NBEA: variants seen among roughly 807,000 people sequenced by gnomAD.
The protein encoded by NBEA is neurobeachin, also known as lysosomal-trafficking regulator 2.
NBEA carries 44 observed loss-of-function variants against 343.4 expected under a neutral mutation model. That is an observed-to-expected ratio of 0.13 (90% CI 0.10 to 0.16). The LOEUF is 0.16. Among genes scored for constraint, NBEA ranks in the 10% least tolerant of loss-of-function variants. The pLI, the probability that NBEA is intolerant of heterozygous loss-of-function variation, is 1.00. For synonymous variants in NBEA, 1,175 were observed against 1,238.7 expected (o/e 0.95, Z 1.08); for missense variants, 2,555 against 3,631.3 (o/e 0.70, Z 7.62).
In NBEA at chr13:35,475,536, C is replaced by T. The variant is rs767268138; in HGVS notation, c.6585+3000C>T. ...GATTGAAACCTTCCGCCTTGACCTC[C>T]GCCACCCGGTTGGGTCCCGGCCAGG... On this transcript the variant is annotated intron_variant, in intron 41 of 58. Coordinates refer to ENST00000379939, the MANE Select transcript of NBEA (RefSeq NM_001385012.1). 9.9e-6 allele frequency: 16 copies of T among 1,612,920 alleles called. No individual in the cohort carries two copies. The African/African-American group carries it at 1.2e-4, about 12-fold the overall frequency.
At chr13:35,467,697 G>A (rs61949162) in intron 40 of NBEA, among the ~76,000 whole-genome samples, 1,607 of 152,144 alleles carry the variant, frequency 0.011, 20 homozygotes, top group Non-Finnish European at 0.015. Context: ...AGGATTTTAA[G>A]TTTAATAATT....
intron 58 of NBEA, among the ~76,000 whole-genome samples, chr13:35,670,650 T>C (rs2085575900): frequency 6.6e-6 from 1 of 152,200 alleles, no homozygotes; most frequent in Admixed American, 6.5e-5. Context: ...GGAAATGTGG[T>C]TCCGTGGGCC....
chr13:35,193,386 T>G (rs2072341886), intron 30 of NBEA, among the ~76,000 whole-genome samples: 1 of 151,926 alleles, frequency 6.6e-6, no homozygotes, highest in African/African-American at 2.4e-5. Flanking sequence ...TATAAATATC[T>G]TAGAGATTCT....
In NBEA at chr13:35,196,079, C is replaced by A. The variant is rs1181796303; in HGVS notation, c.5143C>A (p.Gln1715Lys). 1.1e-5 allele frequency: 18 copies of A among 1,613,634 alleles called. No individual in the cohort carries two copies. The highest frequency in any genetic ancestry group is 1.5e-5 in the Non-Finnish European group (18 of 1,179,724). The change falls in exon 31 of 59, where the codon CAA becomes AAA. Residue 1715 changes from glutamine to lysine, a missense_variant. This residue lies in a region of NBEA where 270 missense variants were observed against 293.3 expected (regional missense o/e 0.92). Coordinates refer to ENST00000379939, the MANE Select transcript of NBEA (RefSeq NM_001385012.1). ...STLSSEVKKS[Q>K]ESLTENPSET... ...TTTGTCATCCGAAGTGAAGAAATCA[C>A]AAGAGAGCTTAACTGAAAATCCTAG...
intron 34 of NBEA, among the ~76,000 whole-genome samples, chr13:35,236,523 T>C (rs1676192915): frequency 2.0e-5 from 3 of 152,128 alleles, no homozygotes; most frequent in African/African-American, 7.2e-5. Flanking sequence ...CTTGGCTCAC[T>C]GCAAGCTCCG....
At chr13:35,035,593 G>A (rs562684765) in intron 1 of NBEA, among the ~76,000 whole-genome samples, 84 of 152,050 alleles carry the variant, frequency 5.5e-4, no homozygotes, top group Non-Finnish European at 9.7e-4. Flanking sequence ...GATGTGTCCA[G>A]TGCTGAAAGT....
At chr13:35,601,139 T>G (rs995929793) in intron 47 of NBEA, among the ~76,000 whole-genome samples, 30 of 151,416 alleles carry the variant, frequency 2.0e-4, no homozygotes, top group African/African-American at 7.3e-4. Context: ...ATGGCACCAT[T>G]GCACTCCAGC....
chr13:35,569,936 G>A (rs2080315672), intron 45 of NBEA, among the ~76,000 whole-genome samples: 1 of 152,214 alleles, frequency 6.6e-6, no homozygotes, highest in South Asian at 2.1e-4. Context: ...ATTTATCCAT[G>A]TAGGAAAAAA....
chr13:35,358,443 A>T (rs1257241426), intron 38 of NBEA, among the ~76,000 whole-genome samples: 2 of 152,012 alleles, frequency 1.3e-5, no homozygotes, highest in Non-Finnish European at 2.9e-5. Context: ...CAGGCCAGGC[A>T]AGGTGGCTCA....
chr13:35,116,954 C>T (rs2066525262), intron 13 of NBEA, among the ~76,000 whole-genome samples: 1 of 151,756 alleles, frequency 6.6e-6, no homozygotes, highest in African/African-American at 2.4e-5. Context: ...AAATAGGCTG[C>T]AAAACAAATA....
intron 38 of NBEA, among the ~76,000 whole-genome samples, chr13:35,388,457 A>G (rs1176177265): frequency 6.6e-6 from 1 of 152,146 alleles, no homozygotes; most frequent in Admixed American, 6.6e-5. Context: ...AAGATAATTT[A>G]TATTGTATGC....
In NBEA at chr13:35,667,551, A is replaced by T; in HGVS notation, c.8642A>T (p.Glu2881Val). 9 of 1,614,022 alleles carry T rather than the reference A, an allele frequency of 5.6e-6. No individual in the cohort carries two copies. The highest frequency in any genetic ancestry group is 7.6e-6 in the Non-Finnish European group (9 of 1,179,866). The change falls in exon 57 of 59, where the codon GAG becomes GTG. Residue 2881 changes from glutamate (E) to valine (V), a missense_variant. By Grantham distance (121) the Glu-to-Val change is moderately radical. Around this residue, in one of 21 missense-constraint regions of NBEA, gnomAD observed 186 missense variants for 328.9 expected, o/e 0.57. Transcript: ENST00000379939. ...SINGKLLAQMEINDSTRAILL... is the reference protein window; with the variant it reads ...SINGKLLAQMVINDSTRAILL... ...AATGGGAAACTTTTGGCTCAAATGG[A>T]GATCAATGATTCAACACGGGTAAAT...
intron 31 of NBEA, among the ~76,000 whole-genome samples, chr13:35,207,685 C>G (rs896598309): frequency 1.3e-5 from 2 of 152,028 alleles, no homozygotes; most frequent in Admixed American, 6.6e-5. Context: ...TTAAAATACG[C>G]TAAAGAAACC....
intron 30 of NBEA, among the ~76,000 whole-genome samples, chr13:35,184,931 G>A (rs991682374): frequency 4.6e-5 from 7 of 152,094 alleles, no homozygotes; most frequent in South Asian, 2.1e-4. Flanking sequence ...AAATATGATG[G>A]TGTTTACTCC....
At chr13:35,249,102 T>A (rs2031620689) in intron 34 of NBEA, among the ~76,000 whole-genome samples, 1 of 149,552 alleles carries the variant, frequency 6.7e-6, no homozygotes, top group African/African-American at 2.5e-5. Flanking sequence ...TGAGCAGAGA[T>A]TGTGCCATTG....
At chr13:35,173,121 T>TG (rs2152723732) in intron 26 of NBEA, among the ~76,000 whole-genome samples, 1 of 23,494 alleles carries the variant, frequency 4.3e-5, no homozygotes, top group South Asian at 1.7e-3. Context: ...AATTTTATGT[T>TG]TAAAATATTT....
chr13:35,665,049 G>C, intron 55 of NBEA, 36 bp from the exon 56 acceptor site: 1 of 1,395,868 alleles, frequency 7.2e-7, no homozygotes, highest in East Asian at 2.5e-5. Context: ...CCCTGCTATT[G>C]GTCTGTAGTG....
chr13:35,271,102 C>T (rs1239754488), intron 34 of NBEA, among the ~76,000 whole-genome samples: 1 of 152,160 alleles, frequency 6.6e-6, no homozygotes, highest in African/African-American at 2.4e-5. Context: ...CAGTAGGGGC[C>T]TACAGACACC....
intron 34 of NBEA, among the ~76,000 whole-genome samples, chr13:35,253,327 C>T (rs1323656519): frequency 2.6e-5 from 4 of 152,156 alleles, no homozygotes; most frequent in African/African-American, 9.7e-5. Context: ...AACGTGCTCA[C>T]TTCGTGTCTC....
Sources: allele counts gnomAD v4.1 joint callset (sites outside exome capture counted in the v4.1 genomes callset), GRCh38; gene constraint gnomAD v4.1.1; regional missense constraint gnomAD v4.1.1; transcripts MANE v1.5; gene names NCBI Gene and HGNC (gene_info 2026-07-23, HGNC 2026-07-21).